Variants in PDXDC1 observed in about 807,000 individuals in gnomAD.
The protein encoded by PDXDC1 is pyridoxal dependent decarboxylase domain containing 1, also known as pyridoxal-dependent decarboxylase domain-containing protein 1.
A neutral mutation model predicts 100.1 loss-of-function variants in PDXDC1; 42 were observed. The observed-to-expected ratio is 0.42, with a 90% CI of 0.33 to 0.54. The LOEUF is 0.54. Ranked by LOEUF, PDXDC1 falls within the 20% of genes least tolerant of loss-of-function variation. The pLI, the probability that PDXDC1 is intolerant of heterozygous loss-of-function variation, is 0.10. For missense variants in PDXDC1, 636 were observed against 979.2 expected (o/e 0.65, Z 4.68); for synonymous variants, 260 against 371.7 (o/e 0.70, Z 3.46).
chr16:15,096,806 C>A (rs1230799775), intron 16 of PDXDC1, among the ~76,000 whole-genome samples: 1 of 152,216 alleles, frequency 6.6e-6, no homozygotes, highest in African/African-American at 2.4e-5. Context: ...ACCTCAGCCG[C>A]CCGAACCCAC....
intron 16 of PDXDC1, among the ~76,000 whole-genome samples, chr16:15,078,805 T>C (rs2045570458): frequency 8.0e-6 from 1 of 124,678 alleles, no homozygotes; most frequent in African/African-American, 2.7e-5. Flanking sequence ...CCTCTTCGTA[T>C]TTTTTTCTTT....
Position 15,086,095 on chromosome 16 carries a change from TA to T in PDXDC1, c.1400-52779del, listed in dbSNP as rs780365557. On this transcript the variant is annotated intron_variant, in intron 16 of 16. Coordinates refer to the PDXDC1 transcript ENST00000535621. ...AGGTAGTATTTTAATAAAGAAGTATTAAAAAGAAAATAAAATTCCAAGCAAT... is the reference window on the plus strand; with the variant it reads ...AGGTAGTATTTTAATAAAGAAGTATTAAAAGAAAATAAAATTCCAAGCAAT... The T allele has an allele frequency of 7.6e-6, 12 of 1,589,316 alleles. No individual in the cohort carries two copies. The Admixed American group carries it at 2.1e-4, about 27-fold the overall frequency.
intron 1 of PDXDC1, among the ~76,000 whole-genome samples, chr16:14,995,431 GC>G (rs1971749491): frequency 6.6e-6 from 1 of 152,298 alleles, no homozygotes; most frequent in Non-Finnish European, 1.5e-5. Flanking sequence ...CTGTTTATAT[GC>G]TGGATTACAT....
intron 16 of PDXDC1, chr16:15,133,750 C>A (rs938668680): frequency 1.3e-6 from 2 of 1,596,150 alleles, no homozygotes; most frequent in Non-Finnish European, 1.7e-6. Context: ...CGTGACGTCA[C>A]AGTCGGGGGA....
chr16:15,002,193 T>C (rs1973311123), intron 4 of PDXDC1, among the ~76,000 whole-genome samples: 1 of 152,298 alleles, frequency 6.6e-6, no homozygotes, highest in South Asian at 2.1e-4. Context: ...TAGTTAGTTT[T>C]CTCTTCAATT....
At chr16:15,131,214 C>A in intron 16 of PDXDC1, 1 of 1,590,446 alleles carries the variant, frequency 6.3e-7, no homozygotes, top group Non-Finnish European at 8.5e-7. Context: ...TGCGGTGGCC[C>A]CGGGCAGCCC....
At chr16:15,123,005 C>G (rs928680282) in intron 16 of PDXDC1, among the ~76,000 whole-genome samples, 1 of 150,656 alleles carries the variant, frequency 6.6e-6, no homozygotes, top group East Asian at 2.0e-4. Flanking sequence ...CTACAGGTCA[C>G]GGAGAAGATC....
At chr16:15,133,691 G>A (rs1376740043) in intron 16 of PDXDC1, 97 of 1,597,860 alleles carry the variant, frequency 6.1e-5, no homozygotes, top group Non-Finnish European at 7.7e-5. Flanking sequence ...AGCATCCTCC[G>A]CGTCATGCCA....
downstream of PDXDC1, among the ~76,000 whole-genome samples, chr16:15,141,968 C>T (rs532733506): frequency 3.9e-5 from 6 of 152,164 alleles, no homozygotes; most frequent in African/African-American, 9.7e-5. Flanking sequence ...GGACCTGAGG[C>T]GCAGCAGCCC....
chr16:15,145,617 C>T, the PDXDC1 span, among the ~76,000 whole-genome samples: 1 of 152,274 alleles, frequency 6.6e-6, no homozygotes, highest in Non-Finnish European at 1.5e-5. Flanking sequence ...CAGCCCGCCT[C>T]AGCCCCAGAT....
At chr16:15,079,817 G>C (rs530718059) in intron 16 of PDXDC1, among the ~76,000 whole-genome samples, 1 of 152,048 alleles carries the variant, frequency 6.6e-6, no homozygotes, top group Non-Finnish European at 1.5e-5. Flanking sequence ...GGCTGGTCTC[G>C]AACTCCTGAC....
At position 15,036,242 on chromosome 16, in the gene PDXDC1, C is replaced by T. The variant is rs778750495; in HGVS notation, c.2334C>T (p.His778=). 1 of 1,614,028 alleles carries T rather than the reference C, an allele frequency of 6.2e-7. No individual in the cohort carries two copies. Among genetic ancestry groups the T allele is most frequent in the Non-Finnish European group, 8.5e-7 (1 of 1,179,910 alleles). The change falls in exon 23 of 23, where the codon CAC becomes CAT. Residue 778 remains histidine (H), a synonymous_variant. Coordinates refer to ENST00000396410, the MANE Select transcript of PDXDC1 (RefSeq NM_015027.4). ...QKGVPHPEDD[H]SQVEGPESLR ...GGGTCCCACACCCAGAAGATGACCA[C>T]TCACAGGTAGAAGGACCGGAGAGCT...
At chr16:15,084,690 A>G (rs1255627052) in intron 16 of PDXDC1, 3 of 1,612,998 alleles carry the variant, frequency 1.9e-6, no homozygotes, top group Non-Finnish European at 2.5e-6. Flanking sequence ...ACATGTGTCA[A>G]AATTTGCAGG....
At chr16:15,136,660 T>C in intron 16 of PDXDC1, 1 of 990,158 alleles carries the variant, frequency 1.0e-6, no homozygotes, top group Non-Finnish European at 1.6e-6. Context: ...CTCCTGCGCC[T>C]GCAGCCAGGC....
chr16:15,017,479 T>G, intron 11 of PDXDC1, 57 bp downstream of exon 11: 2 of 1,436,750 alleles, frequency 1.4e-6, no homozygotes, highest in South Asian at 1.2e-5. Context: ...TTATTGGCTT[T>G]GGGGGCAAAA....
chr16:14,985,023 C>T (rs1412923965), intron 1 of PDXDC1, among the ~76,000 whole-genome samples: 13 of 151,926 alleles, frequency 8.6e-5, no homozygotes, highest in African/African-American at 2.7e-4. Context: ...TACAGGTGCC[C>T]GCCATTGCAC....
At chr16:15,090,760 A>C (rs889547042) in intron 16 of PDXDC1, among the ~76,000 whole-genome samples, 5 of 152,248 alleles carry the variant, frequency 3.3e-5, no homozygotes, top group Non-Finnish European at 5.9e-5. Flanking sequence ...CCATAGTAAT[A>C]AACCATTCTC....
At chr16:15,088,627 T>C (rs1360304746) in intron 16 of PDXDC1, among the ~76,000 whole-genome samples, 1 of 151,950 alleles carries the variant, frequency 6.6e-6, no homozygotes, top group Non-Finnish European at 1.5e-5. Context: ...GGAAAAGCTT[T>C]AAAGAGAAAG....
chr16:15,044,419 A>G (rs750522046), intron 16 of PDXDC1: 7 of 1,601,800 alleles, frequency 4.4e-6, no homozygotes, highest in East Asian at 4.5e-5. Flanking sequence ...TGGCAAAGAG[A>G]TGAGACGGGT....
Sources: allele counts gnomAD v4.1 joint callset (sites outside exome capture counted in the v4.1 genomes callset), GRCh38; gene constraint gnomAD v4.1.1; transcripts MANE v1.5; gene names NCBI Gene and HGNC (gene_info 2026-07-23, HGNC 2026-07-21).